Variants in AVL9 observed in about 807,000 individuals in gnomAD.
AVL9 encodes AVL9 cell migration associated, also known as late secretory pathway protein AVL9 homolog.
AVL9 carries 49 observed loss-of-function variants against 79.2 expected under a neutral mutation model. The ratio of observed to expected loss-of-function variants is 0.62; its 90% CI spans 0.49 to 0.79. The LOEUF is 0.79. Ranked by LOEUF, AVL9 falls within the 30% of genes least tolerant of loss-of-function variation. The pLI is 0.00. For missense variants in AVL9, 682 were observed against 776.8 expected, an observed-to-expected ratio of 0.88 and a Z score of 1.45; for synonymous variants, 299 against 280.6, an observed-to-expected ratio of 1.07 and a Z score of -0.65.
At chr7:32,553,320 T>G (rs1005346630) in intron 6 of AVL9, among the ~76,000 whole-genome samples, 1 of 152,216 alleles carries the variant, frequency 6.6e-6, no homozygotes, top group Admixed American at 6.5e-5. Flanking sequence ...TCTAAACTTG[T>G]GTAGTTTATG....
Position 32,552,342 on chromosome 7 carries a change from T to G in AVL9, c.529+47T>G. 5 of 1,233,092 alleles carry G rather than the reference T, an allele frequency of 4.1e-6. No homozygotes were observed. The South Asian group carries it at 6.3e-5, about 16-fold the overall frequency. 76.4% of individuals were successfully genotyped at this position (1,233,092 alleles called of 1,614,324 possible). ...TAAAAGAGATCCCCTCATTTCTATTTGTTTAGCAAACTGAGTTGCGTGTAA... is the reference window on the plus strand; with the variant it reads ...TAAAAGAGATCCCCTCATTTCTATTGGTTTAGCAAACTGAGTTGCGTGTAA... On this transcript the variant is annotated intron_variant, in intron 6 of 15. Coordinates refer to ENST00000318709, the MANE Select transcript of AVL9 (RefSeq NM_015060.3).
In AVL9 at chr7:32,586,461, A is replaced by ACG. The variant is rs756419257; in HGVS notation, c.*2555_*2556insGC. 1 of 45,632 alleles carries ACG rather than the reference A, an allele frequency of 2.2e-5. No individual in the cohort carries two copies. The highest frequency in any genetic ancestry group is 4.5e-5 in the Non-Finnish European group (1 of 22,136). The allele number at this position is 45,632 out of a possible 1,614,324, so 2.8% of individuals were successfully genotyped here. A position where few individuals can be genotyped will look rare whatever the true frequency, so the allele number is the denominator to read the frequency against. On this transcript the variant is annotated 3_prime_UTR_variant, in exon 16 of 16. Coordinates refer to ENST00000318709, the MANE Select transcript of AVL9 (RefSeq NM_015060.3). ...AGGAAGCCTCACCCCTGGTCCTGTG[A>ACG]CCCCCCCCCCCCACACACACACATA...
rs1790243539 is a variant in AVL9, at chr7:32,559,590, A to G, written c.1215+126A>G. Reference sequence around the variant, plus strand: ...AAAATTTCCTTGAAAACTGTAAAGTACAACCAAATACATAGTACTGTGGCA... The same window carrying G: ...AAAATTTCCTTGAAAACTGTAAAGTGCAACCAAATACATAGTACTGTGGCA... On this transcript the variant is annotated intron_variant, in intron 10 of 15. Transcript: ENST00000318709. The G allele has an allele frequency of 6.4e-6, 5 of 783,386 alleles. No homozygotes were observed. The Admixed American group carries it at 1.3e-4, about 21-fold the overall frequency. The allele number at this position is 783,386 out of a possible 1,614,324, so 48.5% of individuals were successfully genotyped here.
intron 1 of AVL9, among the ~76,000 whole-genome samples, chr7:32,522,737 G>A (rs1429173625): frequency 6.6e-6 from 1 of 152,088 alleles, no homozygotes; most frequent in East Asian, 1.9e-4. Context: ...GTGTGATATG[G>A]TTTGGGTGTG....
intron 1 of AVL9, among the ~76,000 whole-genome samples, chr7:32,521,706 G>A (rs1583510753): frequency 6.6e-6 from 1 of 152,198 alleles, no homozygotes; most frequent in East Asian, 1.9e-4. Flanking sequence ...TGTGTAAGTA[G>A]CAAGGAGCCT....
chr7:32,580,162 C>T, intron 13 of AVL9, 57 bp from the exon 14 acceptor site: 1 of 1,377,226 alleles, frequency 7.3e-7, no homozygotes, highest in Non-Finnish European at 1.0e-6. Flanking sequence ...TGTGATAACT[C>T]TTTTTGCAGC....
chr7:32,535,313 G>T (rs907133896), intron 1 of AVL9: 1 of 152,154 alleles, frequency 6.6e-6, no homozygotes, highest in Non-Finnish European at 1.5e-5. Context: ...CCAAGTTAGA[G>T]GTCCCTCCTG....
Position 32,495,604 on chromosome 7 carries a change from T to C in AVL9, c.-106T>C. ...ATCTCCCTGTGCGGCCCTCATGTGC[T>C]GTGCTCGCTGACACCCGAAGTCCGC... On this transcript the variant is annotated 5_prime_UTR_variant, in exon 1 of 16. Coordinates refer to ENST00000318709, the MANE Select transcript of AVL9 (RefSeq NM_015060.3). 3.0e-6 allele frequency: 2 copies of C among 659,250 alleles called. No individual in the cohort carries two copies. Among genetic ancestry groups the C allele is most frequent in the African/African-American group, 3.8e-5 (2 of 53,252 alleles). The allele number at this position is 659,250 out of a possible 1,614,324, so 40.8% of individuals were successfully genotyped here. A position where few individuals can be genotyped will look rare whatever the true frequency, so the allele number is the denominator to read the frequency against.
intron 13 of AVL9, among the ~76,000 whole-genome samples, chr7:32,579,896 T>C (rs1399613988): frequency 6.6e-6 from 1 of 151,670 alleles, no homozygotes; most frequent in Non-Finnish European, 1.5e-5. Flanking sequence ...AAAAAATGTG[T>C]TGATGTTTGA....
In AVL9 at chr7:32,548,934, A is replaced by G. The variant is rs766650020; in HGVS notation, c.372+16A>G. On this transcript the variant is annotated intron_variant, in intron 4 of 15. Transcript: ENST00000318709. ...AAGCAAGCTGGTAAGAGACGAAGTA[A>G]CTTGTTCATTATGTTAAACCTTCAT... 6.5e-7 allele frequency: 1 copy of G among 1,528,868 alleles called. No homozygotes were observed. Among genetic ancestry groups the G allele is most frequent in the Admixed American group, 2.1e-5 (1 of 48,376 alleles). The allele number at this position is 1,528,868 out of a possible 1,614,324, so 94.7% of individuals were successfully genotyped here. A position where few individuals can be genotyped will look rare whatever the true frequency, so the allele number is the denominator to read the frequency against.
At position 32,573,208 on chromosome 7, in the gene AVL9, G is replaced by A. The variant is rs767878247; in HGVS notation, c.1360G>A (p.Ala454Thr). ...CCTGGATACCCTCTAGGTAGAAGAA[G>A]CTCTGATCCAGATCCATGATCCAGA... ...LSDAIVEVEE[A>T]LIQIHDPELR... is the part of the protein sequence containing the mutation. Residue 454 changes from alanine (A) to threonine (T), a missense_variant, in exon 12 of 16, where the codon GCT becomes ACT. Ala to Thr is a moderately conservative substitution (Grantham distance 58, BLOSUM62 0). Coordinates refer to ENST00000318709, the MANE Select transcript of AVL9 (RefSeq NM_015060.3). The A allele has an allele frequency of 6.2e-7, 1 of 1,613,928 alleles. No individual in the cohort carries two copies. The highest frequency in any genetic ancestry group is 1.1e-5 in the South Asian group (1 of 91,066).
At chr7:32,529,404 G>C (rs1788547513) in intron 1 of AVL9, among the ~76,000 whole-genome samples, 1 of 152,192 alleles carries the variant, frequency 6.6e-6, no homozygotes, top group Non-Finnish European at 1.5e-5. Flanking sequence ...TCAAAGTACA[G>C]TTTGTGAAGT....
At position 32,543,388 on chromosome 7, in the gene AVL9, T is replaced by A. The variant is rs1165103727; in HGVS notation, c.214+127T>A. 121 of 1,196,798 alleles carry A rather than the reference T, an allele frequency of 1.0e-4. 1 individual carries two copies. The highest frequency in any genetic ancestry group is 1.3e-4 in the Non-Finnish European group (112 of 866,686). 74.1% of individuals were successfully genotyped at this position (1,196,798 alleles called of 1,614,324 possible). A position where few individuals can be genotyped will look rare whatever the true frequency, so the allele number is the denominator to read the frequency against. On this transcript the variant is annotated intron_variant, in intron 2 of 15. Transcript: ENST00000318709. ...TAGAACTATTTATAAAATATTTACA[T>A]GCTTGTTTGGAGATAACTAGTCATT...
At chr7:32,575,345 C>G (rs1791042879) in intron 12 of AVL9, among the ~76,000 whole-genome samples, 1 of 152,144 alleles carries the variant, frequency 6.6e-6, no homozygotes, top group Non-Finnish European at 1.5e-5. Flanking sequence ...GTGATCCGCC[C>G]TCCTCGACCT....
chr7:32,566,604 T>C lies in AVL9; in HGVS notation c.1216-3416T>C, dbSNP rs1223876274. 1.3e-4 allele frequency among the ~76,000 whole-genome samples: 20 copies of C among 152,148 alleles called. No homozygotes were observed. The East Asian group carries it at 3.9e-3, about 29-fold the overall frequency. Reference sequence around the variant, plus strand: ...CAAACAAATGTGACTTTTGGCCAGGTGCGGTGGCTCACACCTGTAATCCCA... The same window carrying C: ...CAAACAAATGTGACTTTTGGCCAGGCGCGGTGGCTCACACCTGTAATCCCA... On this transcript the variant is annotated intron_variant, in intron 10 of 15. Transcript: ENST00000318709.
At chr7:32,564,234 T>A (rs965455752) in intron 10 of AVL9, among the ~76,000 whole-genome samples, 1 of 152,258 alleles carries the variant, frequency 6.6e-6, no homozygotes, top group Admixed American at 6.5e-5. Context: ...CGTGATGGGC[T>A]TACTAACATC....
chr7:32,550,120 G>T (rs2128137589), intron 4 of AVL9, among the ~76,000 whole-genome samples: 1 of 152,214 alleles, frequency 6.6e-6, no homozygotes, highest in South Asian at 2.1e-4. Context: ...TAAAGGAAGT[G>T]CAACATGTTA....
intron 1 of AVL9, among the ~76,000 whole-genome samples, chr7:32,508,698 A>G (rs931529265): frequency 6.6e-6 from 1 of 152,188 alleles, no homozygotes; most frequent in Non-Finnish European, 1.5e-5. Context: ...TCATTTGGGC[A>G]TCCAGTTGCC....
chr7:32,522,630 T>C (rs1365037775), intron 1 of AVL9, among the ~76,000 whole-genome samples: 1 of 152,104 alleles, frequency 6.6e-6, no homozygotes. Context: ...CTGTGGACTT[T>C]TAGGTTAATG....
Sources: allele counts gnomAD v4.1 joint callset (sites outside exome capture counted in the v4.1 genomes callset), GRCh38; gene constraint gnomAD v4.1.1; transcripts MANE v1.5; gene names NCBI Gene and HGNC (gene_info 2026-07-23, HGNC 2026-07-21).